Variants in MAP3K1 observed in about 807,000 individuals in gnomAD.
MAP3K1 encodes mitogen-activated protein kinase kinase kinase 1.
Under a neutral mutation model 144.2 loss-of-function variants are expected in MAP3K1, and 36 were observed. The observed-to-expected ratio is 0.25, with a 90% CI of 0.19 to 0.33. MAP3K1 has a LOEUF of 0.33. MAP3K1 is among the 10% of genes least tolerant of loss of function. MAP3K1 has a pLI of 1.00. For synonymous variants in MAP3K1, 718 were observed against 688.7 expected (o/e 1.04, Z -0.67); for missense variants, 1,650 against 1,881.9 (o/e 0.88, Z 2.28).
chr5:56,825,732 T>C (rs1746292437), intron 1 of MAP3K1, among the ~76,000 whole-genome samples: 1 of 152,218 alleles, frequency 6.6e-6, no homozygotes. Flanking sequence ...ACTCTCCTAG[T>C]AGCCTGAGAA....
chr5:56,828,696 TAGG>T (rs1385990885), intron 1 of MAP3K1, among the ~76,000 whole-genome samples: 2 of 152,130 alleles, frequency 1.3e-5, no homozygotes, highest in South Asian at 2.1e-4. Flanking sequence ...AATACTACCT[TAGG>T]GGGCAGTTTT....
chr5:56,854,144 A>G (rs1360420058), intron 1 of MAP3K1, among the ~76,000 whole-genome samples: 1 of 152,138 alleles, frequency 6.6e-6, no homozygotes. Context: ...CTAGGTGTTT[A>G]TTCTAAAGAA....
intron 6 of MAP3K1, among the ~76,000 whole-genome samples, chr5:56,867,536 C>A (rs1004167357): frequency 3.1e-4 from 47 of 151,984 alleles, no homozygotes; most frequent in Admixed American, 3.1e-3. Context: ...CTAAGAAACA[C>A]AAAAACTGTT....
intron 1 of MAP3K1, among the ~76,000 whole-genome samples, chr5:56,821,176 G>T (rs147130542): frequency 6.6e-6 from 1 of 152,292 alleles, no homozygotes; most frequent in African/African-American, 2.4e-5. Context: ...CATGTCATTG[G>T]TGATTGAGTT....
Position 56,815,817 on chromosome 5 carries a change from G to A in MAP3K1, c.244G>A (p.Ala82Thr), listed in dbSNP as rs1745930744. 2 of 1,422,098 alleles carry A rather than the reference G, an allele frequency of 1.4e-6. No individual in the cohort carries two copies. Among genetic ancestry groups the A allele is most frequent in the Non-Finnish European group, 1.8e-6 (2 of 1,084,824 alleles). 88.1% of individuals were successfully genotyped at this position (1,422,098 alleles called of 1,614,324 possible). ...QLPEQPLFLA[A>T]SPPASSTSPS... ...GCCTGAGCAGCCGCTCTTCCTTGCC[G>A]CCTCACCGCCGGCCTCCTCGACTTC... is the stretch of plus-strand genomic sequence containing the variant. The change falls in exon 1 of 20, where the codon GCC (alanine) becomes ACC (threonine). Residue 82 changes from alanine (A) to threonine (T), a missense_variant. Physicochemically the swap from Ala to Thr is moderately conservative, Grantham distance 58 (BLOSUM62 0). Coordinates refer to ENST00000399503, the MANE Select transcript of MAP3K1 (RefSeq NM_005921.2).
chr5:56,865,430 T>C lies in MAP3K1; in HGVS notation c.1126T>C (p.Trp376Arg), dbSNP rs762875271. 3 of 1,603,728 alleles carry C rather than the reference T, an allele frequency of 1.9e-6. No individual in the cohort carries two copies. The highest frequency in any genetic ancestry group is 1.7e-5 in the Admixed American group (1 of 59,976). ...FQLEPSDPML[W>R]RKTLKNFEVE... is the part of the protein sequence containing the mutation. ...ACTAGAACCTTCAGACCCAATGTTA[T>C]GGAGAAAAACTTTAAAGAATTTTGA... Residue 376 changes from tryptophan to arginine, a missense_variant, in exon 5 of 20, where the codon TGG (tryptophan) becomes CGG (arginine). Physicochemically the swap from Trp to Arg is moderately radical, Grantham distance 101. Transcript: ENST00000399503.
In MAP3K1 at chr5:56,895,365, TG is replaced by T. The variant is rs76926174; in HGVS notation, c.*1686del. The T allele has an allele frequency of 3.3e-3, 191 of 58,722 alleles. No individual in the cohort carries two copies. In the Middle Eastern group the frequency reaches 0.081, roughly 25 times the overall value. The allele number at this position is 58,722 out of a possible 1,614,324, so 3.6% of individuals were successfully genotyped here. On this transcript the variant is annotated 3_prime_UTR_variant, in exon 20 of 20. Transcript: ENST00000399503. ...TTGTACTTGACTTTCTTTTTTATTTTGTTTTTTTTTTTTTTTGACTACTTAG... is the reference window on the plus strand; with the variant it reads ...TTGTACTTGACTTTCTTTTTTATTTTTTTTTTTTTTTTTTTGACTACTTAG...
At chr5:56,876,737 AC>A (rs1018753226) in intron 10 of MAP3K1, among the ~76,000 whole-genome samples, 1 of 152,186 alleles carries the variant, frequency 6.6e-6, no homozygotes, top group African/African-American at 2.4e-5. Flanking sequence ...TAATGAAAAT[AC>A]CTTTTAGGTT....
intron 12 of MAP3K1, 60 bp from the exon 13 acceptor site, chr5:56,881,023 T>C: frequency 7.2e-7 from 1 of 1,394,924 alleles, no homozygotes; most frequent in Non-Finnish European, 1.0e-6. Flanking sequence ...TAATCATGTC[T>C]TGTTTTAGAT....
At chr5:56,870,714 C>G (rs958312041) in intron 6 of MAP3K1, among the ~76,000 whole-genome samples, 1 of 152,084 alleles carries the variant, frequency 6.6e-6, no homozygotes, top group African/African-American at 2.4e-5. Flanking sequence ...AAATTACATA[C>G]TTTTTTCTTT....
At chr5:56,872,279 G>A (rs1165241970) in intron 7 of MAP3K1, among the ~76,000 whole-genome samples, 2 of 152,158 alleles carry the variant, frequency 1.3e-5, no homozygotes, top group African/African-American at 2.4e-5. Flanking sequence ...GAAGTGCACA[G>A]AATTAGAAAC....
Position 56,887,492 on chromosome 5 carries a change from T to G in MAP3K1, c.4229T>G (p.Leu1410Arg). ...GCAGGAGAGTTTCAGGGACAATTAC[T>G]GGGGACAATTGCATTTATGGCACCT... is the stretch of plus-strand genomic sequence containing the variant. ...TGAGEFQGQL[L>R]GTIAFMAPEV... Residue 1410 changes from leucine to arginine, a missense_variant, in exon 18 of 20, where the codon CTG (leucine) becomes CGG (arginine). Physicochemically the swap from Leu to Arg is moderately radical, Grantham distance 102. Transcript: ENST00000399503. 6.2e-7 allele frequency: 1 copy of G among 1,614,162 alleles called. No homozygotes were observed. Among genetic ancestry groups the G allele is most frequent in the Non-Finnish European group, 8.5e-7 (1 of 1,179,998 alleles).
intron 14 of MAP3K1, 41 bp from the exon 15 acceptor site, chr5:56,883,486 C>G (rs182660660): frequency 6.3e-7 from 1 of 1,594,948 alleles, no homozygotes; most frequent in East Asian, 2.2e-5. Flanking sequence ...CAAAATCTTA[C>G]TCCTTTAACA....
At chr5:56,891,159 CCACA>C (rs1191567328) in intron 19 of MAP3K1, among the ~76,000 whole-genome samples, 17 of 144,994 alleles carry the variant, frequency 1.2e-4, no homozygotes, top group African/African-American at 3.7e-4. Context: ...CCCCCCCCCC[CCACA>C]CACACACACA....
At chr5:56,877,882 T>C (rs1432787113) in intron 10 of MAP3K1, among the ~76,000 whole-genome samples, 2 of 152,204 alleles carry the variant, frequency 1.3e-5, no homozygotes, top group East Asian at 3.9e-4. Context: ...TTTAATGACC[T>C]TGACAGATAC....
chr5:56,893,761 T>C lies in MAP3K1; in HGVS notation c.*81T>C. ...CTTGTGGGGAACCACATTGATATTC[T>C]ACTGGCCATGATGCCACTGAACAGC... On this transcript the variant is annotated 3_prime_UTR_variant, in exon 20 of 20. Transcript: ENST00000399503. The C allele has an allele frequency of 2.0e-6, 3 of 1,476,650 alleles. No homozygotes were observed. Among genetic ancestry groups the C allele is most frequent in the Non-Finnish European group, 2.8e-6 (3 of 1,070,710 alleles). 91.5% of individuals were successfully genotyped at this position (1,476,650 alleles called of 1,614,324 possible). A position where few individuals can be genotyped will look rare whatever the true frequency, so the allele number is the denominator to read the frequency against.
At chr5:56,844,047 AT>A (rs1746899626) in intron 1 of MAP3K1, among the ~76,000 whole-genome samples, 2 of 152,124 alleles carry the variant, frequency 1.3e-5, no homozygotes, top group South Asian at 4.2e-4. Context: ...CCCCTTGGAG[AT>A]TAATGACACA....
At chr5:56,867,315 T>C (rs1261328246) in intron 6 of MAP3K1, among the ~76,000 whole-genome samples, 4 of 152,216 alleles carry the variant, frequency 2.6e-5, no homozygotes, top group Admixed American at 6.5e-5. Flanking sequence ...TGTACATACA[T>C]AGATAGATTT....
At chr5:56,846,665 C>T (rs1343286091) in intron 1 of MAP3K1, among the ~76,000 whole-genome samples, 7 of 152,186 alleles carry the variant, frequency 4.6e-5, no homozygotes, top group Admixed American at 2.6e-4. Flanking sequence ...TCCCCCTCTC[C>T]GAATTCTGAT....
Sources: gnomAD v4.1 joint callset for allele counts (sites outside exome capture counted in the v4.1 genomes callset) on GRCh38, gnomAD v4.1.1 for gene constraint, MANE v1.5 for transcripts, NCBI Gene and HGNC (gene_info 2026-07-23, HGNC 2026-07-21) for gene names.